ENTPD1: variants seen among roughly 807,000 people sequenced by gnomAD.
ENTPD1 encodes the protein ATP diphosphohydrolase.
Under a neutral mutation model 57.0 loss-of-function variants are expected in ENTPD1, and 33 were observed. The ratio of observed to expected loss-of-function variants is 0.58; its 90% CI spans 0.44 to 0.77. The LOEUF is 0.77. Among genes scored for constraint, ENTPD1 ranks in the 30% least tolerant of loss-of-function variants. The pLI, the probability that ENTPD1 is intolerant of heterozygous loss-of-function variation, is 0.00. For missense variants in ENTPD1, 501 were observed against 603.4 expected, an observed-to-expected ratio of 0.83 and a Z score of 1.78; for synonymous variants, 202 against 218.8, an observed-to-expected ratio of 0.92 and a Z score of 0.68.
intron 1 of ENTPD1, among the ~76,000 whole-genome samples, chr10:95,746,474 G>A (rs758492876): frequency 6.6e-6 from 1 of 152,012 alleles, no homozygotes; most frequent in Non-Finnish European, 1.5e-5. Flanking sequence ...AAAAAAAAAC[G>A]TGGCTGAAAC....
At chr10:95,738,253 C>T (rs1406034268) in intron 1 of ENTPD1, among the ~76,000 whole-genome samples, 2 of 152,194 alleles carry the variant, frequency 1.3e-5, no homozygotes, top group Admixed American at 6.5e-5. Context: ...CCTGGAATCT[C>T]TGTGTGTGCA....
In ENTPD1 at chr10:95,723,386, G is replaced by A. The variant is rs1445255852; in HGVS notation, c.37+11393G>A. On this transcript the variant is annotated intron_variant, in intron 1 of 9. Transcript: ENST00000453258. Reference sequence around the variant, plus strand: ...TTGGGGCCCTGGCAAGGGTGGTGGGGAATGGGTCTCACATAACTGCCCATG... The same window carrying A: ...TTGGGGCCCTGGCAAGGGTGGTGGGAAATGGGTCTCACATAACTGCCCATG... Among the ~76,000 whole-genome samples, 4 of 152,118 alleles carry A rather than the reference G, an allele frequency of 2.6e-5. No individual in the cohort carries two copies. The East Asian group carries it at 7.7e-4, about 29-fold the overall frequency.
At chr10:95,833,803 C>A in intron 2 of ENTPD1, 1 of 153,144 alleles carries the variant, frequency 6.5e-6, no homozygotes, top group South Asian at 1.8e-4. Context: ...GCCTTGAACT[C>A]TGCATCCTCT....
At chr10:95,834,190 A>G (rs2098403987) in intron 2 of ENTPD1, among the ~76,000 whole-genome samples, 1 of 152,188 alleles carries the variant, frequency 6.6e-6, no homozygotes, top group East Asian at 1.9e-4. Flanking sequence ...GATCTGTTGA[A>G]TTCTTTCTCT....
At chr10:95,737,294 A>C (rs2097995655) in intron 1 of ENTPD1, among the ~76,000 whole-genome samples, 1 of 152,184 alleles carries the variant, frequency 6.6e-6, no homozygotes, top group Admixed American at 6.5e-5. Context: ...GCTATGAAGA[A>C]TGAATAGAAG....
intron 1 of ENTPD1, among the ~76,000 whole-genome samples, chr10:95,746,142 GA>G: frequency 6.6e-6 from 1 of 152,288 alleles, no homozygotes. Context: ...GAAGATATCA[GA>G]GGGGGAAAAA....
chr10:95,758,605 C>G (rs998361086), intron 1 of ENTPD1, among the ~76,000 whole-genome samples: 2 of 152,174 alleles, frequency 1.3e-5, no homozygotes, highest in African/African-American at 4.8e-5. Flanking sequence ...ATCACCTTCT[C>G]TCCCTTCCAA....
At chr10:95,695,509 A>T in the ENTPD1 span, among the ~76,000 whole-genome samples, 1 of 152,238 alleles carries the variant, frequency 6.6e-6, no homozygotes, top group South Asian at 2.1e-4. Context: ...GAATTCTCTT[A>T]CAAGATCTTT....
At chr10:95,708,218 A>ATT (rs35550452), upstream of ENTPD1, among the ~76,000 whole-genome samples, 3 of 147,834 alleles carry the variant, frequency 2.0e-5, no homozygotes, top group African/African-American at 5.0e-5. Context: ...TTTTTATTTT[A>ATT]TTTTTTTTTT....
At chr10:95,833,306 AT>A in intron 2 of ENTPD1, among the ~76,000 whole-genome samples, 1 of 152,382 alleles carries the variant, frequency 6.6e-6, no homozygotes, top group East Asian at 1.9e-4. Flanking sequence ...CAATTAAAAA[AT>A]AAGACAATAA....
intron 1 of ENTPD1, among the ~76,000 whole-genome samples, chr10:95,800,324 G>C (rs976997926): frequency 6.6e-6 from 1 of 152,158 alleles, no homozygotes; most frequent in Admixed American, 6.5e-5. Flanking sequence ...AGGGGAGGGG[G>C]TGTATGAACA....
chr10:95,834,212 A>G (rs536959556), intron 2 of ENTPD1, among the ~76,000 whole-genome samples: 2 of 152,328 alleles, frequency 1.3e-5, no homozygotes, highest in South Asian at 4.1e-4. Context: ...TGCCTAATGT[A>G]TAGTAGGATA....
At chr10:95,819,689 A>ATT (rs1186578389) in intron 1 of ENTPD1, among the ~76,000 whole-genome samples, 18 of 152,124 alleles carry the variant, frequency 1.2e-4, no homozygotes, top group African/African-American at 3.9e-4. Flanking sequence ...TGAAGTTAAT[A>ATT]TTACCTTGCT....
chr10:95,773,285 C>T (rs2098121886), intron 1 of ENTPD1, among the ~76,000 whole-genome samples: 1 of 152,180 alleles, frequency 6.6e-6, no homozygotes, highest in Non-Finnish European at 1.5e-5. Flanking sequence ...AACCGTAGCA[C>T]TCCTTGATCC....
Position 95,870,840 on chromosome 10 carries a change from C to G in ENTPD1, c.*4457C>G. On this transcript the variant is annotated 3_prime_UTR_variant, in exon 10 of 10. Coordinates refer to ENST00000371205, the MANE Select transcript of ENTPD1 (RefSeq NM_001776.6). ...TAGGTCCTTTACTTTTTATAACAGC[C>G]TCAAAGTTTCATGAATTGCTGCAGT... 1 of 985,370 alleles carries G rather than the reference C, an allele frequency of 1.0e-6. No individual in the cohort carries two copies. The highest frequency in any genetic ancestry group is 1.2e-6 in the Non-Finnish European group (1 of 829,918). The allele number at this position is 985,370 out of a possible 1,614,324, so 61.0% of individuals were successfully genotyped here. A position where few individuals can be genotyped will look rare whatever the true frequency, so the allele number is the denominator to read the frequency against.
rs773061424 is a variant in ENTPD1, at chr10:95,756,191, T to G, written c.-49T>G. 1 of 1,484,624 alleles carries G rather than the reference T, an allele frequency of 6.7e-7. No homozygotes were observed. The highest frequency in any genetic ancestry group is 9.1e-7 in the Non-Finnish European group (1 of 1,095,888). 92.0% of individuals were successfully genotyped at this position (1,484,624 alleles called of 1,614,324 possible). On this transcript the variant is annotated 5_prime_UTR_variant, in exon 1 of 10. Transcript: ENST00000371205. ...GAGACGGACCACAGCAAGCAGAGGC[T>G]GGGGGGGGGAAAGACGAGGAAAGAG...
chr10:95,694,852 G>A, the ENTPD1 span, among the ~76,000 whole-genome samples: 2 of 151,048 alleles, frequency 1.3e-5, no homozygotes, highest in South Asian at 4.2e-4. Flanking sequence ...GCCTTATGTG[G>A]CAATTGTGCG....
In ENTPD1 at chr10:95,842,368, A is replaced by G. The variant is rs1267066857; in HGVS notation, c.287A>G (p.Gln96Arg). ...VKGPGISKFV[Q>R]KVNEIGIYLT... Reference sequence around the variant, plus strand: ...GGTCCTGGAATCTCAAAATTTGTTCAGAAAGTAAATGAAATAGGCATTTAC... The same window carrying G: ...GGTCCTGGAATCTCAAAATTTGTTCGGAAAGTAAATGAAATAGGCATTTAC... Residue 96 changes from glutamine (Q) to arginine (R), a missense_variant, in exon 4 of 10, where the codon CAG (glutamine) becomes CGG (arginine). By Grantham distance (43) the Gln-to-Arg change is conservative (BLOSUM62 1). Coordinates refer to ENST00000371205, the MANE Select transcript of ENTPD1 (RefSeq NM_001776.6). 6.2e-7 allele frequency: 1 copy of G among 1,613,984 alleles called. No homozygotes were observed. The highest frequency in any genetic ancestry group is 8.5e-7 in the Non-Finnish European group (1 of 1,179,966).
chr10:95,749,230 G>A (rs2098009256), intron 1 of ENTPD1, among the ~76,000 whole-genome samples: 1 of 152,188 alleles, frequency 6.6e-6, no homozygotes, highest in South Asian at 2.1e-4. Flanking sequence ...GCAAAGGGAG[G>A]TTGAGTGTTG....
Sources: allele counts gnomAD v4.1 joint callset (sites outside exome capture counted in the v4.1 genomes callset), GRCh38; gene constraint gnomAD v4.1.1; transcripts MANE v1.5; gene names NCBI Gene and HGNC (gene_info 2026-07-23, HGNC 2026-07-21).